The following TEX10 variants were observed in gnomAD, a reference collection of about 807,000 sequenced individuals.
TEX10 encodes the protein testis-expressed protein 10.
TEX10 carries 24 observed loss-of-function variants against 104.4 expected under a neutral mutation model. The ratio of observed to expected loss-of-function variants is 0.23; its 90% CI spans 0.17 to 0.32. TEX10 has a LOEUF of 0.32. Among genes scored for constraint, TEX10 ranks in the 10% least tolerant of loss-of-function variants. The pLI, the probability that TEX10 is intolerant of heterozygous loss-of-function variation, is 1.00. For missense variants in TEX10, 921 were observed against 1,083.9 expected (o/e 0.85, Z 2.11); for synonymous variants, 396 against 393.4 (o/e 1.01, Z -0.08).
At chr9:100,339,274 A>AAAAAAAAAATAT (rs1835101688) in intron 5 of TEX10, among the ~76,000 whole-genome samples, 2 of 91,702 alleles carry the variant, frequency 2.2e-5, no homozygotes, top group African/African-American at 9.2e-5. Context: ...AAAAAAAAAA[A>AAAAAAAAAATAT]GTATATATAT....
At chr9:100,336,655 C>A (rs1029602154) in intron 5 of TEX10, among the ~76,000 whole-genome samples, 1 of 152,100 alleles carries the variant, frequency 6.6e-6, no homozygotes, top group Admixed American at 6.5e-5. Flanking sequence ...AGAAATAAAG[C>A]GCACAATAAA....
intron 5 of TEX10, among the ~76,000 whole-genome samples, chr9:100,330,505 G>A (rs1177962421): frequency 2.0e-5 from 3 of 152,150 alleles, no homozygotes; most frequent in African/African-American, 7.2e-5. Context: ...TAAGGCAGAT[G>A]CTTATATTTG....
At chr9:100,347,501 C>G in intron 2 of TEX10, 95 bp from the exon 3 acceptor site, 2 of 923,920 alleles carry the variant, frequency 2.2e-6, no homozygotes, top group South Asian at 2.7e-5. Flanking sequence ...TAAACTGACA[C>G]TCCTTGGGGA....
At position 100,320,406 on chromosome 9, in the gene TEX10, A is replaced by T; in HGVS notation, c.2069-8T>A. 1 of 1,575,704 alleles carries T rather than the reference A, an allele frequency of 6.3e-7. No individual in the cohort carries two copies. The highest frequency in any genetic ancestry group is 8.6e-7 in the Non-Finnish European group (1 of 1,166,354). On this transcript the variant is annotated splice_polypyrimidine_tract_variant and splice_region_variant and intron_variant, in intron 10 of 14. Transcript: ENST00000374902. ...ACTCCTCTTTCGAAAACCCTAATTCAGGTAACAAAGAAAGCCAATTTAAAA... is the reference window on the plus strand; with the variant it reads ...ACTCCTCTTTCGAAAACCCTAATTCTGGTAACAAAGAAAGCCAATTTAAAA...
intron 13 of TEX10, chr9:100,306,462 G>A (rs573290978): frequency 1.1e-4 from 17 of 152,210 alleles, no homozygotes. Flanking sequence ...AGAGGGCTCA[G>A]ACTAACAGCA....
chr9:100,323,304 AT>A (rs1327595100), intron 9 of TEX10, among the ~76,000 whole-genome samples: 14 of 152,176 alleles, frequency 9.2e-5, no homozygotes, highest in Admixed American at 3.3e-4. Context: ...GCTGGCGCTG[AT>A]TATGCTGGGC....
intron 14 of TEX10, among the ~76,000 whole-genome samples, chr9:100,302,714 C>G (rs534626628): frequency 6.6e-6 from 1 of 152,150 alleles, no homozygotes; most frequent in Non-Finnish European, 1.5e-5. Flanking sequence ...TGGGCTGATT[C>G]CCCAGTCTGG....
intron 12 of TEX10, among the ~76,000 whole-genome samples, chr9:100,309,333 T>C (rs1834216078): frequency 6.6e-6 from 1 of 152,178 alleles, no homozygotes; most frequent in African/African-American, 2.4e-5. Context: ...TAACTGTATA[T>C]ATACATGGTT....
At chr9:100,321,882 T>C in intron 9 of TEX10, 111 bp from the exon 10 acceptor site, 1 of 712,808 alleles carries the variant, frequency 1.4e-6, no homozygotes, top group Non-Finnish European at 2.3e-6. Context: ...TTTGATTTAG[T>C]AGCTTAAAAT....
At position 100,346,292 on chromosome 9, in the gene TEX10, C is replaced by A. The variant is rs1011369462; in HGVS notation, c.917G>T (p.Gly306Val). 1 of 1,613,706 alleles carries A rather than the reference C, an allele frequency of 6.2e-7. No individual in the cohort carries two copies. Among genetic ancestry groups the A allele is most frequent in the African/African-American group, 1.3e-5 (1 of 74,878 alleles). ...RLRYLVGGLS[G>V]VDEGLSSTEN... is the part of the protein sequence containing the mutation. ...AGTAGATGACAGGCCTTCATCCACA[C>A]CACTCAGTCCTCCAACCAGATACCT... The change falls in exon 4 of 15, where the codon GGT (glycine) becomes GTT (valine). Residue 306 changes from glycine to valine, a missense_variant. By Grantham distance (109) the Gly-to-Val change is moderately radical (BLOSUM62 -3). Around this residue, in one of 3 missense-constraint regions of TEX10, gnomAD observed 753 missense variants for 868.4 expected, o/e 0.87. Coordinates refer to ENST00000374902, the MANE Select transcript of TEX10 (RefSeq NM_017746.4).
intron 7 of TEX10, among the ~76,000 whole-genome samples, chr9:100,328,382 C>T (rs1403062422): frequency 6.6e-6 from 1 of 152,114 alleles, no homozygotes; most frequent in Admixed American, 6.6e-5. Flanking sequence ...TTCACTAGGT[C>T]CCCTGAAAGG....
chr9:100,349,475 T>C, intron 1 of TEX10, 103 bp from the exon 2 acceptor site: 5 of 680,884 alleles, frequency 7.3e-6, no homozygotes, highest in Non-Finnish European at 8.8e-6. Context: ...ATTTCAATCG[T>C]AATCAAGAAT....
At position 100,349,259 on chromosome 9, in the gene TEX10, T is replaced by C. The variant is rs745662838; in HGVS notation, c.105A>G (p.Thr35=). 37 of 1,607,336 alleles carry C rather than the reference T, an allele frequency of 2.3e-5. No homozygotes were observed. Among genetic ancestry groups the C allele is most frequent in the Non-Finnish European group, 3.1e-5 (36 of 1,178,244 alleles). ...LQNATPTNFK[T]KTIHLPEQLK... is the part of the protein sequence containing the mutation. Reference sequence around the variant, plus strand: ...GTTGCTCAGGCAGATGTATAGTCTTTGTTTTAAAGTTTGTAGGAGTAGCAT... The same window carrying C: ...GTTGCTCAGGCAGATGTATAGTCTTCGTTTTAAAGTTTGTAGGAGTAGCAT... The change falls in exon 2 of 15, where the codon ACA becomes ACG. Residue 35 remains threonine, a synonymous_variant. Coordinates refer to ENST00000374902, the MANE Select transcript of TEX10 (RefSeq NM_017746.4).
chr9:100,309,911 T>C (rs1834230859), intron 12 of TEX10, among the ~76,000 whole-genome samples: 1 of 152,192 alleles, frequency 6.6e-6, no homozygotes, highest in Non-Finnish European at 1.5e-5. Flanking sequence ...CCGGGTTAGA[T>C]GATGTGCCTA....
At chr9:100,317,812 T>G (rs923205854) in intron 11 of TEX10, among the ~76,000 whole-genome samples, 2 of 151,984 alleles carry the variant, frequency 1.3e-5, no homozygotes, top group Non-Finnish European at 2.9e-5. Context: ...CGTTAAAAAG[T>G]AGACAAAAGG....
At chr9:100,329,777 TCA>T (rs1410238018) in intron 6 of TEX10, 152 bp downstream of exon 6, 2 of 686,496 alleles carry the variant, frequency 2.9e-6, no homozygotes, top group Non-Finnish European at 5.0e-6. Flanking sequence ...ATAAACAATT[TCA>T]GTGTTCAAGT....
intron 5 of TEX10, among the ~76,000 whole-genome samples, chr9:100,339,366 A>ATACATT (rs1835112661): frequency 7.2e-6 from 1 of 138,976 alleles, no homozygotes; most frequent in African/African-American, 2.7e-5. Context: ...ATATATTTAT[A>ATACATT]TATATTTATA....
rs140613442 is a variant in TEX10, at chr9:100,346,788, T to C, written c.799A>G (p.Ile267Val). 5,862 of 1,614,194 alleles carry C rather than the reference T, an allele frequency of 3.6e-3. 28 individuals carry two copies. Among genetic ancestry groups the C allele is most frequent in the Non-Finnish European group, 4.6e-3 (5,442 of 1,180,014 alleles). The stretch of plus-strand genomic sequence containing the variant: ...TCGTTGGCATGTTCCTTCCAGTTGA[T>C]AAAAATGGAGTTGCTAGTGGCATGG... ...NPHATSNSIF[I>V]NWKEHANDQQ... is the part of the protein sequence containing the mutation. Residue 267 changes from isoleucine (I) to valine (V), a missense_variant, in exon 3 of 15, where the codon ATC becomes GTC. Physicochemically the swap from Ile to Val is conservative, Grantham distance 29. Transcript: ENST00000374902.
intron 13 of TEX10, 186 bp from the exon 14 acceptor site, chr9:100,304,028 A>G (rs1834083733): frequency 1.6e-6 from 1 of 609,654 alleles, no homozygotes; most frequent in African/African-American, 1.8e-5. Flanking sequence ...ATACCTAGGA[A>G]TACATCTAAC....
Sources: allele counts gnomAD v4.1 joint callset (sites outside exome capture counted in the v4.1 genomes callset), GRCh38; gene constraint gnomAD v4.1.1; regional missense constraint gnomAD v4.1.1; transcripts MANE v1.5; gene names NCBI Gene and HGNC (gene_info 2026-07-23, HGNC 2026-07-21).